Variants in PKN2 observed in about 807,000 individuals in gnomAD.
PKN2 encodes the protein protein kinase N2.
In PKN2, 38 loss-of-function variants were observed where a neutral mutation model predicts 119.1. The observed-to-expected ratio is 0.32, with a 90% CI of 0.25 to 0.42. PKN2 has a LOEUF of 0.42. Among genes scored for constraint, PKN2 ranks in the 10% least tolerant of loss-of-function variants. PKN2 has a pLI of 1.00. For synonymous variants in PKN2, 390 were observed against 384.9 expected (o/e 1.01, Z -0.15); for missense variants, 850 against 1,165.1 (o/e 0.73, Z 3.94).
chr1:88,784,844 A>T lies in PKN2; in HGVS notation c.1171+20A>T, dbSNP rs1670508513. On this transcript the variant is annotated intron_variant, in intron 7 of 21. Coordinates refer to ENST00000370521, the MANE Select transcript of PKN2 (RefSeq NM_006256.4). ...TGTCCAGTTCAGTAACCAGATTTTTAAAAATCATGTAACAAACTAAAGTGC... is the reference window on the plus strand; with the variant it reads ...TGTCCAGTTCAGTAACCAGATTTTTTAAAATCATGTAACAAACTAAAGTGC... 18 of 1,520,560 alleles carry T rather than the reference A, an allele frequency of 1.2e-5. No homozygotes were observed. Among genetic ancestry groups the T allele is most frequent in the Non-Finnish European group, 1.5e-5 (17 of 1,115,254 alleles). 94.2% of individuals were successfully genotyped at this position (1,520,560 alleles called of 1,614,324 possible). A position where few individuals can be genotyped will look rare whatever the true frequency, so the allele number is the denominator to read the frequency against.
chr1:88,794,904 A>G (rs760372783), intron 8 of PKN2, among the ~76,000 whole-genome samples: 9 of 152,162 alleles, frequency 5.9e-5, no homozygotes, highest in Non-Finnish European at 1.2e-4. Flanking sequence ...GAAACTCCCA[A>G]TAGCAAATAA....
At chr1:88,735,987 T>C (rs2100735348) in intron 1 of PKN2, among the ~76,000 whole-genome samples, 1 of 152,352 alleles carries the variant, frequency 6.6e-6, no homozygotes. Flanking sequence ...CTTTTGATAC[T>C]GTTGCATTGT....
chr1:88,705,920 G>A (rs1382607610), intron 1 of PKN2, among the ~76,000 whole-genome samples: 2 of 151,892 alleles, frequency 1.3e-5, no homozygotes, highest in Non-Finnish European at 1.5e-5. Context: ...CGGAATCTGG[G>A]AGTATTAGTC....
At chr1:88,746,831 G>A (rs571267584) in intron 2 of PKN2, among the ~76,000 whole-genome samples, 99 of 152,096 alleles carry the variant, frequency 6.5e-4, no homozygotes, top group African/African-American at 2.3e-3. Context: ...GCATTATATA[G>A]CCAAGATATC....
intron 6 of PKN2, among the ~76,000 whole-genome samples, chr1:88,775,081 C>G (rs1670041055): frequency 6.6e-6 from 1 of 152,134 alleles, no homozygotes; most frequent in African/African-American, 2.4e-5. Flanking sequence ...TCTCCCACCT[C>G]AGCCTCCCTA....
At chr1:88,697,201 G>T (rs963193699) in intron 1 of PKN2, among the ~76,000 whole-genome samples, 1 of 152,074 alleles carries the variant, frequency 6.6e-6, no homozygotes, top group African/African-American at 2.4e-5. Flanking sequence ...TATGGTAATT[G>T]TTACATGTCT....
At chr1:88,762,938 C>T (rs1193623737) in intron 3 of PKN2, among the ~76,000 whole-genome samples, 1 of 152,096 alleles carries the variant, frequency 6.6e-6, no homozygotes, top group Non-Finnish European at 1.5e-5. Flanking sequence ...AGTACAAGTT[C>T]TTAGTGTATT....
intron 1 of PKN2, among the ~76,000 whole-genome samples, chr1:88,708,548 G>A (rs964550793): frequency 6.6e-6 from 1 of 150,888 alleles, no homozygotes; most frequent in African/African-American, 2.4e-5. Flanking sequence ...ACATAATGTA[G>A]TGCCTCATTG....
chr1:88,734,036 T>C (rs925664352), intron 1 of PKN2, among the ~76,000 whole-genome samples: 1 of 151,974 alleles, frequency 6.6e-6, no homozygotes, highest in Non-Finnish European at 1.5e-5. Context: ...AGCCCACCTG[T>C]AGTCTTAGCT....
chr1:88,785,941 T>C (rs1670554944), intron 7 of PKN2, among the ~76,000 whole-genome samples, 163 bp from the exon 8 acceptor site: 1 of 152,244 alleles, frequency 6.6e-6, no homozygotes, highest in African/African-American at 2.4e-5. Context: ...GGAGTATATG[T>C]ATCTGTAAAA....
chr1:88,754,051 A>T (rs572528548), intron 2 of PKN2, among the ~76,000 whole-genome samples: 1 of 152,218 alleles, frequency 6.6e-6, no homozygotes, highest in South Asian at 2.1e-4. Context: ...TTTTACCATG[A>T]TGTGTCCAAG....
chr1:88,779,752 A>C (rs990129400), intron 6 of PKN2, among the ~76,000 whole-genome samples: 24 of 152,232 alleles, frequency 1.6e-4, no homozygotes, highest in Non-Finnish European at 1.2e-4. Context: ...ATCATTAATC[A>C]GTTTTATTCT....
At position 88,804,464 on chromosome 1, in the gene PKN2, A is replaced by G; in HGVS notation, c.1355A>G (p.Glu452Gly). ...SLCAVKFLRL[E>G]DFLDNQRHGM... ...TGTGCTGTAAAATTTCTGAGGTTAG[A>G]AGATTTTTTAGACAACCAACGGCAT... Residue 452 changes from glutamate to glycine, a missense_variant, in exon 9 of 22, where the codon GAA becomes GGA. Transcript: ENST00000370521. 1 of 1,613,668 alleles carries G rather than the reference A, an allele frequency of 6.2e-7. No homozygotes were observed. The highest frequency in any genetic ancestry group is 1.3e-5 in the African/African-American group (1 of 74,990).
At chr1:88,718,540 G>A (rs1298100919) in intron 1 of PKN2, among the ~76,000 whole-genome samples, 1 of 152,106 alleles carries the variant, frequency 6.6e-6, no homozygotes, top group South Asian at 2.1e-4. Context: ...TATGTATTAG[G>A]TTGAGTATAA....
In PKN2 at chr1:88,701,692, G is replaced by T. The variant is rs573667589; in HGVS notation, c.48+17064G>T. 3.9e-5 allele frequency among the ~76,000 whole-genome samples: 6 copies of T among 152,268 alleles called. No individual in the cohort carries two copies. The South Asian group carries it at 1.2e-3, about 32-fold the overall frequency. On this transcript the variant is annotated intron_variant, in intron 1 of 21. Coordinates refer to ENST00000370521, the MANE Select transcript of PKN2 (RefSeq NM_006256.4). ...AATAATATAATTTGATTTATTTTGGGATTACTGTAACTGGTTTTTGTTTTA... is the reference window on the plus strand; with the variant it reads ...AATAATATAATTTGATTTATTTTGGTATTACTGTAACTGGTTTTTGTTTTA...
chr1:88,787,879 C>T (rs1051018849), intron 8 of PKN2, among the ~76,000 whole-genome samples: 1 of 152,176 alleles, frequency 6.6e-6, no homozygotes, highest in Non-Finnish European at 1.5e-5. Flanking sequence ...ACCACATTCC[C>T]TATTAAAATA....
At chr1:88,784,570 G>A (rs1001077795) in intron 6 of PKN2, 69 bp from the exon 7 acceptor site, 3 of 950,536 alleles carry the variant, frequency 3.2e-6, no homozygotes, top group African/African-American at 1.7e-5. Flanking sequence ...GAATAGGTAA[G>A]AGATTTAGAT....
intron 2 of PKN2, among the ~76,000 whole-genome samples, chr1:88,752,300 T>A (rs1669033950): frequency 6.6e-6 from 1 of 152,166 alleles, no homozygotes; most frequent in African/African-American, 2.4e-5. Flanking sequence ...ATTTTGTTAA[T>A]CCTGGTAATT....
At chr1:88,825,349 T>C (rs1464874022) in intron 18 of PKN2, among the ~76,000 whole-genome samples, 2 of 152,218 alleles carry the variant, frequency 1.3e-5, no homozygotes, top group Non-Finnish European at 2.9e-5. Context: ...CTCCCAAATC[T>C]ATTATTTCCT....
Sources: gnomAD v4.1 joint callset for allele counts (sites outside exome capture counted in the v4.1 genomes callset) on GRCh38, gnomAD v4.1.1 for gene constraint, MANE v1.5 for transcripts, NCBI Gene and HGNC (gene_info 2026-07-23, HGNC 2026-07-21) for gene names.